The following CELF4 variants were observed in gnomAD, a reference collection of about 807,000 sequenced individuals.
CELF4 encodes the protein CUG-BP- and ETR-3-like factor 4.
Under a neutral mutation model 59.9 loss-of-function variants are expected in CELF4, and 18 were observed. The observed-to-expected ratio is 0.30, with a 90% CI of 0.21 to 0.45. The LOEUF is 0.45. Among genes scored for constraint, CELF4 ranks in the 20% least tolerant of loss-of-function variants. CELF4 has a pLI of 1.00. For missense variants in CELF4, 456 were observed against 689.0 expected, an observed-to-expected ratio of 0.66 and a Z score of 3.79; for synonymous variants, 261 against 267.1, an observed-to-expected ratio of 0.98 and a Z score of 0.22.
intron 2 of CELF4, among the ~76,000 whole-genome samples, chr18:37,467,444 G>T (rs769008787): frequency 2.0e-5 from 3 of 152,104 alleles, no homozygotes; most frequent in African/African-American, 7.2e-5. Context: ...GAAGAAGGGC[G>T]GTGGCTTTAC....
At chr18:37,524,439 C>T (rs2099961144) in intron 1 of CELF4, among the ~76,000 whole-genome samples, 1 of 152,228 alleles carries the variant, frequency 6.6e-6, no homozygotes, top group Admixed American at 6.5e-5. Context: ...TAACTCCAGG[C>T]TGTCTTGATG....
rs745881170 is a variant in CELF4 at position 37,383,471 on chromosome 18, G to C, written c.370-61590C>G. On this transcript the variant is annotated intron_variant, in intron 2 of 12. Transcript: ENST00000420428. ...GATGTTTCCTTCAAGCAGTTAAAAT[G>C]AAAGTTTAAAAGTTTTGATGCTTGA... Among the ~76,000 whole-genome samples, 5 of 152,342 alleles carry C rather than the reference G, an allele frequency of 3.3e-5. No individual in the cohort carries two copies. In the East Asian group the frequency reaches 9.6e-4, roughly 29 times the overall value.
intron 1 of CELF4, among the ~76,000 whole-genome samples, chr18:37,541,107 A>G (rs1026634059): frequency 2.0e-5 from 3 of 152,066 alleles, no homozygotes; most frequent in Admixed American, 1.3e-4. Context: ...TTCTATTATA[A>G]ATGACTTTAA....
intron 2 of CELF4, among the ~76,000 whole-genome samples, chr18:37,353,817 C>T (rs148453917): frequency 0.056 from 8,050 of 142,888 alleles, 327 homozygotes; most frequent in Admixed American, 0.088. Flanking sequence ...AGTGCAGTGG[C>T]GTGATCTCGG....
intron 2 of CELF4, among the ~76,000 whole-genome samples, chr18:37,369,849 C>T (rs531384349): frequency 3.4e-4 from 52 of 152,336 alleles, no homozygotes; most frequent in African/African-American, 1.3e-3. Context: ...ACAACAGATC[C>T]CAAGAGATAT....
chr18:37,319,415 A>G (rs652630), intron 3 of CELF4, among the ~76,000 whole-genome samples: 122,014 of 152,264 alleles, frequency 0.8, 49,299 homozygotes, highest in East Asian at 0.97. Context: ...AGGTGCGTCT[A>G]TGCCCTGGGG....
intron 2 of CELF4, among the ~76,000 whole-genome samples, chr18:37,343,493 A>G (rs923732033): frequency 1.3e-5 from 2 of 151,992 alleles, no homozygotes; most frequent in Admixed American, 6.6e-5. Flanking sequence ...AGCCGGGTGC[A>G]GTCTAAGGGT....
intron 3 of CELF4, among the ~76,000 whole-genome samples, chr18:37,295,210 C>G (rs141978721): frequency 6.6e-6 from 1 of 152,266 alleles, no homozygotes; most frequent in Admixed American, 6.5e-5. Flanking sequence ...TGCCCCTGCC[C>G]GAATGAATGA....
At chr18:37,357,025 A>C (rs1174345262) in intron 2 of CELF4, among the ~76,000 whole-genome samples, 1 of 152,176 alleles carries the variant, frequency 6.6e-6, no homozygotes, top group Non-Finnish European at 1.5e-5. Context: ...CACCTGCCCC[A>C]GGTTCCACCA....
At chr18:37,297,095 AG>A (rs958888273) in intron 3 of CELF4, among the ~76,000 whole-genome samples, 2 of 152,162 alleles carry the variant, frequency 1.3e-5, no homozygotes, top group African/African-American at 4.8e-5. Flanking sequence ...GCTAGGCATC[AG>A]GGGGTGCAGT....
intron 2 of CELF4, among the ~76,000 whole-genome samples, chr18:37,427,484 G>A (rs972070185): frequency 6.6e-6 from 1 of 152,148 alleles, no homozygotes; most frequent in Admixed American, 6.5e-5. Context: ...GGAACTGTGG[G>A]GGAAGCCAAC....
intron 2 of CELF4, among the ~76,000 whole-genome samples, chr18:37,409,488 G>A (rs527433718): frequency 4.6e-5 from 7 of 152,354 alleles, no homozygotes; most frequent in Admixed American, 4.6e-4. Flanking sequence ...TCTTCACTGA[G>A]CTGAAATCTG....
chr18:37,361,568 T>A (rs1226696175), intron 2 of CELF4, among the ~76,000 whole-genome samples: 1 of 152,124 alleles, frequency 6.6e-6, no homozygotes, highest in Non-Finnish European at 1.5e-5. Flanking sequence ...ATTAGCTGCC[T>A]CGTTTACAGT....
intron 3 of CELF4, among the ~76,000 whole-genome samples, chr18:37,320,108 C>T (rs531074847): frequency 1.3e-5 from 2 of 152,240 alleles, no homozygotes; most frequent in South Asian, 2.1e-4. Flanking sequence ...GAGGCCGAGG[C>T]GGGCAGATCA....
At chr18:37,250,858 T>C (rs1317225581) in intron 12 of CELF4, among the ~76,000 whole-genome samples, 1 of 152,154 alleles carries the variant, frequency 6.6e-6, no homozygotes, top group Non-Finnish European at 1.5e-5. Flanking sequence ...TAAATGAAAA[T>C]TAAATGTCAA....
At chr18:37,325,382 G>T (rs2097271408) in intron 2 of CELF4, among the ~76,000 whole-genome samples, 2 of 152,210 alleles carry the variant, frequency 1.3e-5, no homozygotes, top group Admixed American at 1.3e-4. Context: ...GCCTGGCCAG[G>T]ATAGAGCTAT....
At chr18:37,478,872 G>T (rs1028996079) in intron 2 of CELF4, among the ~76,000 whole-genome samples, 2 of 152,204 alleles carry the variant, frequency 1.3e-5, no homozygotes, top group Non-Finnish European at 2.9e-5. Flanking sequence ...GTCCTGTTTG[G>T]CTGGAAAGCC....
At chr18:37,347,638 T>C (rs1463064304) in intron 2 of CELF4, among the ~76,000 whole-genome samples, 4 of 152,104 alleles carry the variant, frequency 2.6e-5, no homozygotes, top group Non-Finnish European at 4.4e-5. Context: ...CCTGAGCACA[T>C]GTCTGCGGGC....
intron 2 of CELF4, among the ~76,000 whole-genome samples, chr18:37,352,633 T>C (rs908565343): frequency 6.6e-6 from 1 of 151,996 alleles, no homozygotes; most frequent in African/African-American, 2.4e-5. Context: ...ATTTTAAGTA[T>C]CTGCTTTGGA....
Sources: gnomAD v4.1 joint callset for allele counts (sites outside exome capture counted in the v4.1 genomes callset) on GRCh38, gnomAD v4.1.1 for gene constraint, MANE v1.5 for transcripts, NCBI Gene and HGNC (gene_info 2026-07-23, HGNC 2026-07-21) for gene names.